KIAA0586: variants seen among roughly 807,000 people sequenced by gnomAD.
KIAA0586 encodes protein TALPID3.
KIAA0586 carries 144 observed loss-of-function variants against 169.8 expected under a neutral mutation model. The ratio of observed to expected loss-of-function variants is 0.85; its 90% confidence interval spans 0.74 to 0.97. KIAA0586 has a LOEUF of 0.97. Among genes scored for constraint, KIAA0586 ranks in the 50% least tolerant of loss-of-function variants. The pLI, the probability that KIAA0586 is intolerant of heterozygous loss-of-function variation, is 0.00. For synonymous variants in KIAA0586, 625 were observed against 612.4 expected (o/e 1.02, Z -0.30); for missense variants, 1,854 against 1,823.0 (o/e 1.02, Z -0.31).
Position 58,487,056 on chromosome 14 carries a change from C to T in KIAA0586, c.3194C>T (p.Ser1065Leu), listed in dbSNP as rs2042503262. The T allele has an allele frequency of 6.2e-7, 1 of 1,613,402 alleles. No individual in the cohort carries two copies. Among genetic ancestry groups the T allele is most frequent in the Non-Finnish European group, 8.5e-7 (1 of 1,179,360 alleles). ...ACCCCACAGCCTACGCCTCCTTGCT[C>T]ACCTTCATCACCTGCTAAGGAGTGT... Reference protein sequence around the residue: ...LPTPQPTPPCSPSSPAKECVL... With the variant: ...LPTPQPTPPCLPSSPAKECVL... The change falls in exon 22 of 31, where the codon TCA becomes TTA. Residue 1065 changes from serine to leucine, a missense_variant. Physicochemically the swap from Ser to Leu is moderately radical, Grantham distance 145. Coordinates refer to ENST00000652326, the MANE Select transcript of KIAA0586 (RefSeq NM_001329943.3).
intron 27 of KIAA0586, among the ~76,000 whole-genome samples, chr14:58,501,000 G>T (rs751160120): frequency 6.6e-6 from 1 of 152,224 alleles, no homozygotes; most frequent in East Asian, 1.9e-4. Context: ...GATTTGGGGG[G>T]TTATAAATAC....
In KIAA0586 at chr14:58,541,878, T is replaced by C. The variant is rs116110348; in HGVS notation, c.4495+1742T>C. Among the ~76,000 whole-genome samples, 817 of 152,280 alleles carry C rather than the reference T, an allele frequency of 5.4e-3. 10 individuals are homozygous for C. Among genetic ancestry groups the C allele is most frequent in the African/African-American group, 0.019 (787 of 41,564 alleles). ...TGGAATCAAGGAATAGTCTTTTTTA[T>C]AGACCTGAAAACAGCTGTTGAAACA... On this transcript the variant is annotated intron_variant, in intron 30 of 30. Transcript: ENST00000652326.
chr14:58,509,258 A>G (rs1566920283), intron 28 of KIAA0586, among the ~76,000 whole-genome samples: 1 of 152,090 alleles, frequency 6.6e-6, no homozygotes, highest in Non-Finnish European at 1.5e-5. Flanking sequence ...AAAATAATAT[A>G]TATAAAAGTA....
Position 58,488,805 on chromosome 14 carries a change from G to A in KIAA0586, c.3712G>A (p.Glu1238Lys). ...STLSVTVTETETLDKPISEGE... is the reference protein window; with the variant it reads ...STLSVTVTETKTLDKPISEGE... ...ATTGAGTGTTACTGTCACTGAAACT[G>A]AAACTTTAGATAAACCCATCTCTGA... Residue 1238 changes from glutamate to lysine, a missense_variant, in exon 24 of 31, where the codon GAA (glutamate) becomes AAA (lysine). Physicochemically the swap from Glu to Lys is moderately conservative, Grantham distance 56. Transcript: ENST00000652326. 1 of 1,613,864 alleles carries A rather than the reference G, an allele frequency of 6.2e-7. No homozygotes were observed. The highest frequency in any genetic ancestry group is 8.5e-7 in the Non-Finnish European group (1 of 1,179,830).
At chr14:58,466,788 A>T (rs2040808170) in intron 15 of KIAA0586, among the ~76,000 whole-genome samples, 1 of 152,230 alleles carries the variant, frequency 6.6e-6, no homozygotes, top group Admixed American at 6.6e-5. Flanking sequence ...AAGTTTGATT[A>T]TCTTGTTAAT....
At chr14:58,546,408 G>GC (rs1444768628) in intron 30 of KIAA0586, among the ~76,000 whole-genome samples, 2 of 152,094 alleles carry the variant, frequency 1.3e-5, no homozygotes, top group African/African-American at 4.8e-5. Flanking sequence ...TTATACTGTG[G>GC]CCCCTATAAA....
chr14:58,470,254 C>T (rs1253647714), intron 16 of KIAA0586, among the ~76,000 whole-genome samples: 3 of 151,756 alleles, frequency 2.0e-5, no homozygotes, highest in Non-Finnish European at 4.4e-5. Flanking sequence ...GAAGTCTATA[C>T]AAAAGCATGA....
At chr14:58,541,526 G>A (rs549916319) in intron 30 of KIAA0586, among the ~76,000 whole-genome samples, 1 of 152,246 alleles carries the variant, frequency 6.6e-6, no homozygotes, top group Non-Finnish European at 1.5e-5. Flanking sequence ...GAATAAGACA[G>A]CCACAATTAA....
chr14:58,556,710 T>C, the KIAA0586 span, among the ~76,000 whole-genome samples: 1 of 152,218 alleles, frequency 6.6e-6, no homozygotes, highest in Non-Finnish European at 1.5e-5. Context: ...GTATAATATC[T>C]GTGATATTCA....
intron 27 of KIAA0586, among the ~76,000 whole-genome samples, chr14:58,506,487 G>A (rs1270243985): frequency 1.3e-5 from 2 of 151,994 alleles, no homozygotes; most frequent in Non-Finnish European, 1.5e-5. Flanking sequence ...AGGAGTTCAA[G>A]ACCAGCCTGG....
Position 58,490,224 on chromosome 14 carries a change from A to C in KIAA0586, c.3842A>C (p.His1281Pro). Residue 1281 changes from histidine to proline, a missense_variant, in exon 25 of 31, where the codon CAT (histidine) becomes CCT (proline). By Grantham distance (77) the His-to-Pro change is moderately conservative. Transcript: ENST00000652326. ...NLNDSLSSTLHDAVEMEDDPP... is the reference protein window; with the variant it reads ...NLNDSLSSTLPDAVEMEDDPP... The stretch of plus-strand genomic sequence containing the variant: ...AATGATAGCTTATCCAGCACTCTGC[A>C]TGATGCCGTTGAAATGGTAAGTAAC... 6.5e-7 allele frequency: 1 copy of C among 1,538,142 alleles called. No individual in the cohort carries two copies. Among genetic ancestry groups the C allele is most frequent in the Non-Finnish European group, 8.8e-7 (1 of 1,134,674 alleles).
At chr14:58,474,155 C>CT (rs769812615) in intron 18 of KIAA0586, among the ~76,000 whole-genome samples, 2 of 152,096 alleles carry the variant, frequency 1.3e-5, no homozygotes, top group Non-Finnish European at 2.9e-5. Flanking sequence ...CCAAGCCATT[C>CT]ATGAGGGATC....
At position 58,465,836 on chromosome 14, in the gene KIAA0586, C is replaced by G. The variant is rs779143623; in HGVS notation, c.2061C>G (p.Gly687=). ...QRPKVIERVK[G]TKVKSIRTQT... is the part of the protein sequence containing the mutation. ...ATCTGCCATTGGTGATTATTATAGG[C>G]ACTAAGGTAAAGTCAATAAGAACAC... The change falls in exon 15 of 31, where the codon GGC becomes GGG. Residue 687 remains glycine, a splice_region_variant and synonymous_variant. Transcript: ENST00000652326. The G allele has an allele frequency of 9.5e-6, 15 of 1,580,792 alleles. No individual in the cohort carries two copies. The highest frequency in any genetic ancestry group is 1.3e-5 in the Non-Finnish European group (15 of 1,156,870).
At chr14:58,435,602 C>T (rs992948354) in intron 4 of KIAA0586, among the ~76,000 whole-genome samples, 1 of 152,168 alleles carries the variant, frequency 6.6e-6, no homozygotes, top group African/African-American at 2.4e-5. Context: ...AATTTTGTAT[C>T]CTTTAACAAA....
chr14:58,488,992 A>G (rs1238846008), intron 24 of KIAA0586, 118 bp downstream of exon 24: 1 of 1,103,518 alleles, frequency 9.1e-7, no homozygotes, highest in Non-Finnish European at 1.3e-6. Flanking sequence ...TATAGTAGAA[A>G]GAATAGGGGA....
At chr14:58,527,849 C>G (rs1350195105) in intron 29 of KIAA0586, among the ~76,000 whole-genome samples, 2 of 152,200 alleles carry the variant, frequency 1.3e-5, no homozygotes, top group Non-Finnish European at 2.9e-5. Context: ...CAAATTCACA[C>G]ATAACAATAT....
intron 16 of KIAA0586, among the ~76,000 whole-genome samples, 188 bp downstream of exon 16, chr14:58,468,110 A>G (rs1370928531): frequency 1.3e-5 from 2 of 152,168 alleles, no homozygotes; most frequent in African/African-American, 4.8e-5. Flanking sequence ...CAATGGCGCA[A>G]TCTCGGCTCA....
At position 58,498,906 on chromosome 14, in the gene KIAA0586, T is replaced by C. The variant is rs1027702447; in HGVS notation, c.4114T>C (p.Leu1372=). The C allele has an allele frequency of 1.2e-6, 2 of 1,611,798 alleles. No homozygotes were observed. Among genetic ancestry groups the C allele is most frequent in the African/African-American group, 2.7e-5 (2 of 74,920 alleles). Residue 1372 remains leucine (L), a synonymous_variant, in exon 27 of 31, where the codon TTG becomes CTG. Coordinates refer to ENST00000652326, the MANE Select transcript of KIAA0586 (RefSeq NM_001329943.3). ...GCCACCTGTCACTAATACACAGTCT[T>C]TGGATCAACAATGTGATCCTAAACC... is the stretch of plus-strand genomic sequence containing the variant. ...MQPPVTNTQS[L]DQQCDPKPLS...
At chr14:58,560,240 G>A in the KIAA0586 span, among the ~76,000 whole-genome samples, 692 of 152,112 alleles carry the variant, frequency 4.5e-3, 7 homozygotes, top group African/African-American at 0.016. Context: ...CTGATGGTTA[G>A]CTGGGATTGG....
Sources: allele counts gnomAD v4.1 joint callset (sites outside exome capture counted in the v4.1 genomes callset), GRCh38; gene constraint gnomAD v4.1.1; transcripts MANE v1.5; gene names NCBI Gene and HGNC (gene_info 2026-07-23, HGNC 2026-07-21).